Variants in CBLIF observed in about 807,000 individuals in gnomAD.
The protein encoded by CBLIF is cobalamin binding intrinsic factor, also known as gastric intrinsic factor (vitamin B synthesis).
In CBLIF, 24 loss-of-function variants were observed where a neutral mutation model predicts 44.9. That is an observed-to-expected ratio of 0.53 (90% confidence interval 0.39 to 0.75). The LOEUF (loss-of-function observed/expected upper bound fraction) is 0.75. CBLIF is among the 30% of genes least tolerant of loss of function. CBLIF has a pLI of 0.00. For synonymous variants in CBLIF, 183 were observed against 190.9 expected (o/e 0.96, Z 0.34); for missense variants, 481 against 513.0 (o/e 0.94, Z 0.60).
intron 3 of CBLIF, 24 bp from the exon 4 acceptor site, chr11:59,842,607 C>T: frequency 6.2e-7 from 1 of 1,611,326 alleles, no homozygotes; most frequent in South Asian, 1.1e-5. Flanking sequence ...AGAGAACCTT[C>T]ATCAGACTCA....
In CBLIF at chr11:59,843,123, A is replaced by G. The variant is rs772894375; in HGVS notation, c.275T>C (p.Leu92Pro). 6.2e-7 allele frequency: 1 copy of G among 1,611,728 alleles called. No individual in the cohort carries two copies. Among genetic ancestry groups the G allele is most frequent in the Non-Finnish European group, 8.5e-7 (1 of 1,177,830 alleles). Residue 92 changes from leucine to proline, a missense_variant, in exon 3 of 9, where the codon CTC (leucine) becomes CCC (proline). Transcript: ENST00000257248. ...SDNNDLTIGQ[L>P]GLTIMALTSS... ...GGTGAGGGCCATGATGGTGAGGCCG[A>G]GCTGCCCAATGGTTAGATCTGCAGA...
At chr11:59,840,706 A>G (rs192758056) in intron 5 of CBLIF, among the ~76,000 whole-genome samples, 8 of 152,258 alleles carry the variant, frequency 5.3e-5, no homozygotes, top group Admixed American at 3.9e-4. Flanking sequence ...CTATTTTTAG[A>G]TCAAGGTAAA....
intron 8 of CBLIF, among the ~76,000 whole-genome samples, chr11:59,830,164 T>C (rs1474367729): frequency 6.6e-6 from 1 of 151,328 alleles, no homozygotes; most frequent in Non-Finnish European, 1.5e-5. Flanking sequence ...CCATTCTTTC[T>C]CCCAGGGAAG....
intron 7 of CBLIF, among the ~76,000 whole-genome samples, chr11:59,834,240 T>TTCTCTTTC (rs1424638091): frequency 1.0e-4 from 12 of 115,154 alleles, no homozygotes; most frequent in Non-Finnish European, 1.8e-4. Context: ...CTTTCTTTCT[T>TTCTCTTTC]TTTCTTTCTT....
intron 3 of CBLIF, 119 bp from the exon 4 acceptor site, chr11:59,842,702 A>G (rs1353714828): frequency 2.1e-6 from 2 of 971,246 alleles, no homozygotes; most frequent in African/African-American, 3.2e-5. Flanking sequence ...CCCCAAAGAG[A>G]GACACAGCAT....
chr11:59,836,597 C>T (rs1012619378), intron 6 of CBLIF, among the ~76,000 whole-genome samples: 5 of 152,134 alleles, frequency 3.3e-5, no homozygotes, highest in South Asian at 2.1e-4. Flanking sequence ...TGATATATTG[C>T]GTGCATCGAG....
rs1866593580 is a variant in CBLIF, at chr11:59,845,469, A to G, written c.-16T>C. ...ACCAGGCCATCTCACTCTCTCGTCT[A>G]TGTCTCTCATCCACAGGTACCGCGA... On this transcript the variant is annotated 5_prime_UTR_variant, in exon 1 of 9. Transcript: ENST00000257248. 4 of 1,547,512 alleles carry G rather than the reference A, an allele frequency of 2.6e-6. No homozygotes were observed. Among genetic ancestry groups the G allele is most frequent in the Non-Finnish European group, 2.7e-6 (3 of 1,120,084 alleles).
At chr11:59,830,536 TA>T (rs1039317215) in intron 8 of CBLIF, among the ~76,000 whole-genome samples, 9 of 152,162 alleles carry the variant, frequency 5.9e-5, no homozygotes, top group African/African-American at 2.2e-4. Flanking sequence ...TCTGGGTGTT[TA>T]AAAAATTTTT....
chr11:59,844,073 A>G lies in CBLIF; in HGVS notation c.80-18T>C. The G allele has an allele frequency of 6.3e-7, 1 of 1,595,770 alleles. No homozygotes were observed. The highest frequency in any genetic ancestry group is 8.6e-7 in the Non-Finnish European group (1 of 1,163,274). ...GGGAACGGCTGAGAAGAGGAAAGCC[A>G]TTTACTCACCTTCTAACCCTCATTC... On this transcript the variant is annotated intron_variant, in intron 1 of 8. Transcript: ENST00000257248.
intron 5 of CBLIF, among the ~76,000 whole-genome samples, chr11:59,837,786 A>G (rs1424919682): frequency 6.6e-6 from 1 of 152,142 alleles, no homozygotes; most frequent in Non-Finnish European, 1.5e-5. Context: ...CAGAGGCTCC[A>G]CAACCCTGGC....
chr11:59,842,375 G>A, intron 4 of CBLIF, 68 bp downstream of exon 4: 1 of 1,555,402 alleles, frequency 6.4e-7, no homozygotes, highest in Admixed American at 1.7e-5. Context: ...TCACTTCCCT[G>A]CCAGCTCCAC....
In CBLIF at chr11:59,835,980, T is replaced by G. The variant is rs1866451098; in HGVS notation, c.901A>C (p.Asn301His). 1 of 1,614,070 alleles carries G rather than the reference T, an allele frequency of 6.2e-7. No homozygotes were observed. The highest frequency in any genetic ancestry group is 1.1e-5 in the South Asian group (1 of 91,086). ...GCAGAGGTGGGGCCAGGGCCAGGGTTGCTGGGTAGAGTTGGTTGTACCTCA... is the reference window on the plus strand; with the variant it reads ...GCAGAGGTGGGGCCAGGGCCAGGGTGGCTGGGTAGAGTTGGTTGTACCTCA... ...DHEVQPTLPS[N>H]PGPGPTSASN... The change falls in exon 7 of 9, where the codon AAC becomes CAC. Residue 301 changes from asparagine to histidine, a missense_variant. By Grantham distance (68) the Asn-to-His change is moderately conservative. Transcript: ENST00000257248.
At chr11:59,835,494 C>T (rs1291356341) in intron 7 of CBLIF, among the ~76,000 whole-genome samples, 3 of 152,152 alleles carry the variant, frequency 2.0e-5, no homozygotes, top group Non-Finnish European at 4.4e-5. Flanking sequence ...TCTGGACTTA[C>T]CTCTTCCCAC....
chr11:59,845,423 G>A lies in CBLIF; in HGVS notation c.31C>T (p.Leu11Phe), dbSNP rs764005503. MAWFALYLLS[L>F]LWATAGTSTQ... ...CTAGTCCCAGCTGTAGCCCAGAGAA[G>A]GCTCAGGAGGTAGAGGGCAAACCAG... is the stretch of plus-strand genomic sequence containing the variant. The change falls in exon 1 of 9, where the codon CTT (leucine) becomes TTT (phenylalanine). Residue 11 changes from leucine (L) to phenylalanine (F), a missense_variant. Transcript: ENST00000257248. 3.1e-6 allele frequency: 5 copies of A among 1,612,618 alleles called. No homozygotes were observed. The South Asian group carries it at 4.4e-5, about 14-fold the overall frequency.
At chr11:59,829,946 T>C (rs1045587544) in intron 8 of CBLIF, among the ~76,000 whole-genome samples, 8 of 152,232 alleles carry the variant, frequency 5.3e-5, no homozygotes, top group African/African-American at 1.9e-4. Flanking sequence ...AAATGGCTTA[T>C]TTAGGCCAAA....
At chr11:59,835,703 A>G in intron 7 of CBLIF, 105 bp downstream of exon 7, 1 of 896,304 alleles carries the variant, frequency 1.1e-6, no homozygotes, top group South Asian at 1.3e-5. Context: ...CTATTAAATA[A>G]AAATCTGTTA....
At chr11:59,837,089 G>T in intron 6 of CBLIF, 85 bp downstream of exon 6, 1 of 1,027,652 alleles carries the variant, frequency 9.7e-7, no homozygotes, top group Non-Finnish European at 1.5e-6. Context: ...GACATTACAA[G>T]CCTATATGCC....
At position 59,837,487 on chromosome 11, in the gene CBLIF, TG is replaced by T. The variant is rs1380029361; in HGVS notation, c.694-137del. The T allele has an allele frequency of 4.1e-6, 3 of 735,376 alleles. No homozygotes were observed. In the African/African-American group the frequency reaches 5.2e-5, roughly 13 times the overall value. 45.6% of individuals were successfully genotyped at this position (735,376 alleles called of 1,614,324 possible). A position where few individuals can be genotyped will look rare whatever the true frequency, so the allele number is the denominator to read the frequency against. On this transcript the variant is annotated intron_variant, in intron 5 of 8. Transcript: ENST00000257248. ...CACCCAGAATGCAAAGCCAATGCTA[TG>T]TAAGGTTTGGAAAACATTTGTCTTC... is the stretch of plus-strand genomic sequence containing the variant.
intron 1 of CBLIF, chr11:59,845,148 C>A: frequency 3.7e-6 from 2 of 547,244 alleles, no homozygotes; most frequent in Non-Finnish European, 6.8e-6. Flanking sequence ...CAGGTGTGAG[C>A]CACTGCACCT....
Sources: allele counts gnomAD v4.1 joint callset (sites outside exome capture counted in the v4.1 genomes callset), GRCh38; gene constraint gnomAD v4.1.1; transcripts MANE v1.5; gene names NCBI Gene and HGNC (gene_info 2026-07-23, HGNC 2026-07-21).